The following ITPR1 variants were observed in gnomAD, a reference collection of about 807,000 sequenced individuals.
The protein encoded by ITPR1 is inositol 1,4,5-trisphosphate receptor type 1, also known as inositol 1,4,5-trisphosphate-gated calcium channel ITPR1.
Under a neutral mutation model 318.4 loss-of-function variants are expected in ITPR1, and 96 were observed. The observed-to-expected ratio is 0.30, with a 90% confidence interval of 0.26 to 0.36. The LOEUF is 0.36. Among genes scored for constraint, ITPR1 ranks in the 10% least tolerant of loss-of-function variants. The probability of loss-of-function intolerance (pLI) is 1.00; values close to 1 mark genes in which losing one functional copy is unlikely to be tolerated. For missense variants in ITPR1, 2,440 were observed against 3,460.2 expected, an observed-to-expected ratio of 0.71 and a Z score of 7.40; for synonymous variants, 1,312 against 1,289.9, an observed-to-expected ratio of 1.02 and a Z score of -0.37.
intron 61 of ITPR1, among the ~76,000 whole-genome samples, chr3:4,840,240 A>T (rs2106550503): frequency 6.6e-6 from 1 of 152,246 alleles, no homozygotes; most frequent in Admixed American, 6.5e-5. Context: ...AAAGATATTA[A>T]AAAATGCAGA....
At chr3:4,599,778 C>A (rs571594731) in intron 4 of ITPR1, among the ~76,000 whole-genome samples, 2 of 152,338 alleles carry the variant, frequency 1.3e-5, no homozygotes, top group Admixed American at 1.3e-4. Flanking sequence ...CTGATACCAG[C>A]AGGAGGCACA....
intron 44 of ITPR1, among the ~76,000 whole-genome samples, chr3:4,741,623 G>A (rs1004965885): frequency 3.3e-5 from 5 of 151,922 alleles, no homozygotes; most frequent in Admixed American, 6.6e-5. Flanking sequence ...CATCCCTTCC[G>A]GAAGTCACCA....
chr3:4,799,783 C>T (rs1437935964), intron 53 of ITPR1: 1 of 152,242 alleles, frequency 6.6e-6, no homozygotes, highest in Non-Finnish European at 1.5e-5. Context: ...TCTTTGACTG[C>T]AGGGATAATC....
At chr3:4,729,621 C>T (rs1166026968) in intron 42 of ITPR1, among the ~76,000 whole-genome samples, 2 of 152,154 alleles carry the variant, frequency 1.3e-5, no homozygotes, top group Non-Finnish European at 2.9e-5. Context: ...GCAGTTCATT[C>T]GCTTATTTAG....
chr3:4,676,865 C>T, intron 24 of ITPR1, 64 bp downstream of exon 24: 1 of 1,294,816 alleles, frequency 7.7e-7, no homozygotes, highest in South Asian at 1.4e-5. Flanking sequence ...AGATCCAGTC[C>T]CTCTGTTCTG....
chr3:4,524,056 T>C (rs1387731154), intron 4 of ITPR1, among the ~76,000 whole-genome samples: 1 of 152,210 alleles, frequency 6.6e-6, no homozygotes, highest in Non-Finnish European at 1.5e-5. Flanking sequence ...AGATGCTTCG[T>C]CCTTGTGGGA....
rs557363979 is a variant in ITPR1 at position 4,622,573 on chromosome 3, G to A, written c.164-5190G>A. Among the ~76,000 whole-genome samples the A allele has an allele frequency of 8.6e-5, 13 of 151,794 alleles. 1 individual carries two copies. In the South Asian group the frequency reaches 1.2e-3, roughly 15 times the overall value. Reference sequence around the variant, plus strand: ...TGAGTAGCTGGGACTACAGATGCCCGCCACCACGCCCAGCTAATTTTTGTA... The same window carrying A: ...TGAGTAGCTGGGACTACAGATGCCCACCACCACGCCCAGCTAATTTTTGTA... On this transcript the variant is annotated intron_variant, in intron 4 of 61. Coordinates refer to ENST00000649015, the MANE Select transcript of ITPR1 (RefSeq NM_001378452.1).
chr3:4,754,709 T>A (rs1387091100), intron 44 of ITPR1, among the ~76,000 whole-genome samples: 1 of 152,244 alleles, frequency 6.6e-6, no homozygotes, highest in Non-Finnish European at 1.5e-5. Flanking sequence ...ACCTTTTTAA[T>A]AAGCCTCATA....
Position 4,683,771 on chromosome 3 carries a change from T to C in ITPR1, c.3471T>C (p.Ser1157=). The C allele has an allele frequency of 6.2e-7, 1 of 1,613,940 alleles. No individual in the cohort carries two copies. Among genetic ancestry groups the C allele is most frequent in the Non-Finnish European group, 8.5e-7 (1 of 1,179,838 alleles). ...QGPDETMDGA[S]GENEHKKTEE... is the part of the protein sequence containing the mutation. ...CCGATGAGACTATGGATGGTGCATC[T>C]GGAGAAAATGAACATAAGAAAACGG... Residue 1157 remains serine, a synonymous_variant, in exon 28 of 62, where the codon TCT becomes TCC. Transcript: ENST00000649015.
chr3:4,768,991 C>A (rs2046008232), intron 46 of ITPR1, among the ~76,000 whole-genome samples: 1 of 151,790 alleles, frequency 6.6e-6, no homozygotes, highest in South Asian at 2.1e-4. Flanking sequence ...CTTACTCCAA[C>A]CTCCAGCTCT....
At chr3:4,706,444 C>A in intron 37 of ITPR1, 93 bp downstream of exon 37, 1 of 1,162,258 alleles carries the variant, frequency 8.6e-7, no homozygotes, top group Non-Finnish European at 1.2e-6. Context: ...AGCATCTAAG[C>A]TGGGCCGTGG....
At chr3:4,514,392 T>C (rs1254866535) in intron 2 of ITPR1, among the ~76,000 whole-genome samples, 1 of 152,252 alleles carries the variant, frequency 6.6e-6, no homozygotes, top group Non-Finnish European at 1.5e-5. Context: ...TCTATTGCAA[T>C]GATCAGCTGC....
At chr3:4,609,521 G>A (rs915206309) in intron 4 of ITPR1, among the ~76,000 whole-genome samples, 1 of 152,100 alleles carries the variant, frequency 6.6e-6, no homozygotes, top group South Asian at 2.1e-4. Context: ...TTAGGGGTAC[G>A]TTGAATATGT....
At chr3:4,838,358 A>AT (rs1427172908) in intron 61 of ITPR1, among the ~76,000 whole-genome samples, 1 of 142,824 alleles carries the variant, frequency 7.0e-6, no homozygotes, top group Non-Finnish European at 1.5e-5. Context: ...GCCGTGAAAC[A>AT]TTTGGCAGAT....
intron 34 of ITPR1, among the ~76,000 whole-genome samples, chr3:4,697,551 A>C (rs541894351): frequency 6.8e-6 from 1 of 147,548 alleles, no homozygotes; most frequent in East Asian, 2.0e-4. Context: ...TCCTGGGCTC[A>C]AGCAATTATC....
Position 4,644,181 on chromosome 3 carries a change from C to A in ITPR1, c.571C>A (p.Gln191Lys). Residue 191 changes from glutamine (Q) to lysine (K), a missense_variant, in exon 8 of 62, where the codon CAG (glutamine) becomes AAG (lysine). By Grantham distance (53) the Gln-to-Lys change is moderately conservative. Coordinates refer to ENST00000649015, the MANE Select transcript of ITPR1 (RefSeq NM_001378452.1). ...GGTTCTGAACCCCGTCAATGCTGGT[C>A]AGCCCCTACATGCTAGCAGCCATCA... Reference protein sequence around the residue: ...KVVLNPVNAGQPLHASSHQLV... With the variant: ...KVVLNPVNAGKPLHASSHQLV... 6.2e-7 allele frequency: 1 copy of A among 1,611,928 alleles called. No homozygotes were observed. The highest frequency in any genetic ancestry group is 1.1e-5 in the South Asian group (1 of 90,308).
At chr3:4,736,757 G>A (rs2043303253) in intron 44 of ITPR1, among the ~76,000 whole-genome samples, 1 of 152,230 alleles carries the variant, frequency 6.6e-6, no homozygotes, top group Non-Finnish European at 1.5e-5. Context: ...CTGGGCTCCT[G>A]TGTTGGGAGG....
chr3:4,824,334 T>A (rs1255823669), intron 60 of ITPR1, among the ~76,000 whole-genome samples: 11 of 152,140 alleles, frequency 7.2e-5, no homozygotes. Context: ...TGGTAGGTGG[T>A]ACTATTAACA....
At chr3:4,744,942 TTCCTTCCCTCCC>T (rs1198677328) in intron 44 of ITPR1, among the ~76,000 whole-genome samples, 3 of 96,550 alleles carry the variant, frequency 3.1e-5, no homozygotes, top group African/African-American at 9.1e-5. Context: ...CCTTCCTTCC[TTCCTTCCCTCCC>T]TCCCTCCTTC....
Sources: allele counts gnomAD v4.1 joint callset (sites outside exome capture counted in the v4.1 genomes callset), GRCh38; gene constraint gnomAD v4.1.1; transcripts MANE v1.5; gene names NCBI Gene and HGNC (gene_info 2026-07-23, HGNC 2026-07-21).